PSMA8: variants seen among roughly 807,000 people sequenced by gnomAD.
The protein encoded by PSMA8 is proteasome subunit alpha-type 8.
Under a neutral mutation model 32.4 loss-of-function variants are expected in PSMA8, and 18 were observed. The ratio of observed to expected loss-of-function variants is 0.56; its 90% CI spans 0.38 to 0.82. The LOEUF (loss-of-function observed/expected upper bound fraction) is 0.82. Among genes scored for constraint, PSMA8 ranks in the 40% least tolerant of loss-of-function variants. PSMA8 has a pLI of 0.00. For missense variants in PSMA8, 298 were observed against 300.7 expected, an observed-to-expected ratio of 0.99 and a Z score of 0.07; for synonymous variants, 104 against 98.1, an observed-to-expected ratio of 1.06 and a Z score of -0.36.
chr18:26,191,763 CT>C (rs1361218754), intron 6 of PSMA8, among the ~76,000 whole-genome samples: 1 of 152,130 alleles, frequency 6.6e-6, no homozygotes, highest in Admixed American at 6.6e-5. Flanking sequence ...CCAATAATTG[CT>C]GTCTTATAGC....
chr18:26,177,458 T>C lies in PSMA8; in HGVS notation c.478-1372T>C, dbSNP rs140336401. ...AGTAACAGTACCTATTTAATCATTT[T>C]TGTGATGGTTAGATGAGATAATCCA... On this transcript the variant is annotated intron_variant, in intron 4 of 6. Transcript: ENST00000415576. Among the ~76,000 whole-genome samples the C allele has an allele frequency of 6.6e-5, 10 of 152,344 alleles. No homozygotes were observed. The East Asian group carries it at 1.7e-3, about 26-fold the overall frequency.
At chr18:26,167,260 C>T (rs148112587) in intron 4 of PSMA8, among the ~76,000 whole-genome samples, 1 of 152,138 alleles carries the variant, frequency 6.6e-6, no homozygotes, top group Non-Finnish European at 1.5e-5. Context: ...TTTCTAACTA[C>T]ATGTTTGTGT....
intron 1 of PSMA8, among the ~76,000 whole-genome samples, chr18:26,144,293 G>A (rs975051145): frequency 1.3e-5 from 2 of 152,098 alleles, no homozygotes; most frequent in South Asian, 4.1e-4. Context: ...TTTTTCAGGT[G>A]TATTGTATGA....
At chr18:26,158,931 T>C (rs1206084387) in intron 4 of PSMA8, among the ~76,000 whole-genome samples, 1 of 152,020 alleles carries the variant, frequency 6.6e-6, no homozygotes, top group African/African-American at 2.4e-5. Flanking sequence ...TATAATCATG[T>C]CTCTGCACTC....
chr18:26,155,041 C>A (rs984164990), intron 3 of PSMA8, among the ~76,000 whole-genome samples: 1 of 151,994 alleles, frequency 6.6e-6, no homozygotes, highest in African/African-American at 2.4e-5. Context: ...TCAAGACCAG[C>A]GTGGGCAAAA....
In PSMA8 at chr18:26,159,779, C is replaced by T. The variant is rs565271250; in HGVS notation, c.477+1535C>T. Among the ~76,000 whole-genome samples, 96 of 152,004 alleles carry T rather than the reference C, an allele frequency of 6.3e-4. 1 individual carries two copies. Among genetic ancestry groups the T allele is most frequent in the African/African-American group, 2.2e-3 (91 of 41,468 alleles). ...GCTCTGCTCTGGTGTCTTCAGTTCTCATGGTGGGACAGGAGGATATAAGCA... is the reference window on the plus strand; with the variant it reads ...GCTCTGCTCTGGTGTCTTCAGTTCTTATGGTGGGACAGGAGGATATAAGCA... On this transcript the variant is annotated intron_variant, in intron 4 of 6. Coordinates refer to ENST00000415576, the MANE Select transcript of PSMA8 (RefSeq NM_001025096.2).
intron 2 of PSMA8, among the ~76,000 whole-genome samples, chr18:26,150,530 G>A (rs1345804983): frequency 2.6e-5 from 4 of 151,902 alleles, no homozygotes; most frequent in Non-Finnish European, 5.9e-5. Flanking sequence ...GTAGAAACCG[G>A]GGTCTCTCTG....
intron 4 of PSMA8, among the ~76,000 whole-genome samples, chr18:26,167,474 T>C (rs891836544): frequency 1.9e-4 from 29 of 152,348 alleles, no homozygotes; most frequent in Non-Finnish European, 3.7e-4. Context: ...AACATGTTTA[T>C]ATTAACATGT....
intron 3 of PSMA8, among the ~76,000 whole-genome samples, chr18:26,153,120 AT>A (rs996899900): frequency 2.0e-4 from 31 of 151,350 alleles, no homozygotes; most frequent in East Asian, 7.8e-4. Context: ...GTCTACAACT[AT>A]TTTTTTTTAC....
chr18:26,143,441 T>G (rs1051423019), intron 1 of PSMA8, among the ~76,000 whole-genome samples: 1 of 152,164 alleles, frequency 6.6e-6, no homozygotes, highest in Admixed American at 6.5e-5. Context: ...GATCCTGAAC[T>G]TGGATAGGCA....
rs1019051940 is a variant in PSMA8 at position 26,134,064 on chromosome 18, C to T, written c.99C>T (p.Thr33=). The change falls in exon 1 of 7, where the codon ACC becomes ACT. Residue 33 remains threonine, a synonymous_variant. Coordinates refer to ENST00000415576, the MANE Select transcript of PSMA8 (RefSeq NM_001025096.2). ...AGGAAGCGGTGAAGAAAGGATCCAC[C>T]GCGGTGAGGAAGCAACTATTACCGG... ...YAQEAVKKGS[T]AVGIRGTNIV... is the part of the protein sequence containing the mutation. 4.3e-6 allele frequency: 7 copies of T among 1,611,322 alleles called. No homozygotes were observed. In the East Asian group the frequency reaches 8.9e-5, roughly 21 times the overall value.
At chr18:26,166,619 A>G in intron 4 of PSMA8, among the ~76,000 whole-genome samples, 1 of 152,216 alleles carries the variant, frequency 6.6e-6, no homozygotes, top group East Asian at 1.9e-4. Flanking sequence ...TGTCTTGAGG[A>G]AAAGCAGTTT....
intron 2 of PSMA8, among the ~76,000 whole-genome samples, chr18:26,147,210 C>CAAAAAAAAAAAAAAAAA: frequency 2.1e-5 from 1 of 48,256 alleles, no homozygotes; most frequent in Non-Finnish European, 4.4e-5. Flanking sequence ...CACCCTGTCT[C>CAAAAAAAAAAAAAAAAA]AAAAAAAAAA....
At chr18:26,183,421 A>C (rs758415400) in intron 6 of PSMA8, among the ~76,000 whole-genome samples, 5 of 150,578 alleles carry the variant, frequency 3.3e-5, no homozygotes, top group Non-Finnish European at 7.4e-5. Context: ...ACAAACAAAA[A>C]TATCAACATT....
chr18:26,183,209 T>A (rs1429332602), intron 6 of PSMA8, among the ~76,000 whole-genome samples: 1 of 149,576 alleles, frequency 6.7e-6, no homozygotes, highest in Non-Finnish European at 1.5e-5. Context: ...CTGATCAATA[T>A]GGTGAAACCC....
At chr18:26,148,584 G>T (rs1156689100) in intron 2 of PSMA8, among the ~76,000 whole-genome samples, 1 of 152,116 alleles carries the variant, frequency 6.6e-6, no homozygotes, top group Non-Finnish European at 1.5e-5. Flanking sequence ...AAGATTGAAA[G>T]CTTTCCCTCT....
chr18:26,152,093 A>C (rs962493671), intron 3 of PSMA8, 111 bp downstream of exon 3: 1 of 687,812 alleles, frequency 1.5e-6, no homozygotes, highest in Non-Finnish European at 2.1e-6. Context: ...TAAATATATT[A>C]AATTTCTTAT....
At chr18:26,170,542 T>C (rs1254666742) in intron 4 of PSMA8, among the ~76,000 whole-genome samples, 1 of 130,164 alleles carries the variant, frequency 7.7e-6, no homozygotes, top group Non-Finnish European at 1.5e-5. Context: ...GGAGAAGCAC[T>C]TAGTTATAGC....
chr18:26,157,208 A>G (rs1337679085), intron 3 of PSMA8, among the ~76,000 whole-genome samples: 1 of 152,136 alleles, frequency 6.6e-6, no homozygotes, highest in African/African-American at 2.4e-5. Context: ...ACAGTTACAT[A>G]CAGTTATATA....
Sources: gnomAD v4.1 joint callset for allele counts (sites outside exome capture counted in the v4.1 genomes callset) on GRCh38, gnomAD v4.1.1 for gene constraint, MANE v1.5 for transcripts, NCBI Gene and HGNC (gene_info 2026-07-23, HGNC 2026-07-21) for gene names.